Variants in FBN3 observed in about 807,000 individuals in gnomAD.
FBN3 encodes fibrillin 3, also known as fibrillin-3.
A neutral mutation model predicts 330.1 loss-of-function variants in FBN3; 234 were observed. The ratio of observed to expected loss-of-function variants is 0.71; its 90% confidence interval spans 0.64 to 0.79. FBN3 has a LOEUF of 0.79. Ranked by LOEUF, FBN3 falls within the 30% of genes least tolerant of loss-of-function variation. The probability of loss-of-function intolerance (pLI) is 0.00; values close to 1 mark genes in which losing one functional copy is unlikely to be tolerated. For missense variants in FBN3, 3,606 were observed against 3,886.9 expected (o/e 0.93, Z 1.92); for synonymous variants, 1,458 against 1,517.3 (o/e 0.96, Z 0.91).
At position 8,106,094 on chromosome 19, in the gene FBN3, G is replaced by T. The variant is rs1408286567; in HGVS notation, c.4813+14C>A. ...GGAAGAGCCTGACCCACCCCAAAGA[G>T]AATCCATGCTCACCCTCACAGATGC... is the stretch of plus-strand genomic sequence containing the variant. On this transcript the variant is annotated intron_variant, in intron 38 of 63. Coordinates refer to ENST00000600128, the MANE Select transcript of FBN3 (RefSeq NM_032447.5). The T allele has an allele frequency of 6.2e-7, 1 of 1,613,966 alleles. No individual in the cohort carries two copies. Among genetic ancestry groups the T allele is most frequent in the Admixed American group, 1.7e-5 (1 of 60,012 alleles).
chr19:8,130,643 A>G (rs2083119196), intron 16 of FBN3, among the ~76,000 whole-genome samples: 1 of 79,172 alleles, frequency 1.3e-5, no homozygotes, highest in Non-Finnish European at 2.4e-5. Context: ...AAAGAAAGAA[A>G]GGAAAGGAAA....
chr19:8,117,688 CACT>C lies in FBN3; in HGVS notation c.3338-102_3338-100del, dbSNP rs977767069. 6 of 1,366,252 alleles carry C rather than the reference CACT, an allele frequency of 4.4e-6. No individual in the cohort carries two copies. The African/African-American group carries it at 7.3e-5, about 17-fold the overall frequency. 84.6% of individuals were successfully genotyped at this position (1,366,252 alleles called of 1,614,324 possible). On this transcript the variant is annotated intron_variant, in intron 26 of 63. Transcript: ENST00000600128. ...GCACACATGCATGCTAAGGAGCTCACACTGCCAGCATTGGCACAGCCCCGCATG... is the reference window on the plus strand; with the variant it reads ...GCACACATGCATGCTAAGGAGCTCACGCCAGCATTGGCACAGCCCCGCATG...
intron 30 of FBN3, among the ~76,000 whole-genome samples, chr19:8,113,236 G>A (rs193024223): frequency 1.3e-5 from 2 of 152,114 alleles, no homozygotes; most frequent in Admixed American, 1.3e-4. Flanking sequence ...GACGAGGTTG[G>A]GCAACATAGT....
At chr19:8,079,779 G>A (rs1489631587) in intron 59 of FBN3, among the ~76,000 whole-genome samples, 2 of 151,964 alleles carry the variant, frequency 1.3e-5, no homozygotes, top group East Asian at 1.9e-4. Context: ...TAGTAGAAAC[G>A]GGGTTTTGTC....
Position 8,125,898 on chromosome 19 carries a change from A to G in FBN3, c.2725T>C (p.Cys909Arg). The G allele has an allele frequency of 6.2e-7, 1 of 1,611,618 alleles. No homozygotes were observed. The highest frequency in any genetic ancestry group is 8.5e-7 in the Non-Finnish European group (1 of 1,179,388). The change falls in exon 22 of 64, where the codon TGC becomes CGC. Residue 909 changes from cysteine (C) to arginine (R), a missense_variant. Cys to Arg is a radical substitution (Grantham distance 180). Transcript: ENST00000600128. ...GLMLDASGRL[C>R]VDVRLEPCFL... ...GGACCTCGCCTGGACTCACCCACGCACAGCCGGCCTGAGGCGTCCAGCATC... is the reference window on the plus strand; with the variant it reads ...GGACCTCGCCTGGACTCACCCACGCGCAGCCGGCCTGAGGCGTCCAGCATC...
chr19:8,137,388 AGCCTAGATCCCTCCAACCTGGG>A (rs2083313938), intron 10 of FBN3, among the ~76,000 whole-genome samples: 1 of 134,092 alleles, frequency 7.5e-6, no homozygotes, highest in Non-Finnish European at 1.6e-5. Context: ...TCCAACCTGG[AGCCTAGATCCCTCCAACCTGGG>A]GCCTAGATCC....
Position 8,066,311 on chromosome 19 carries a change from G to T in FBN3, c.8089-51C>A, listed in dbSNP as rs1354648475. On this transcript the variant is annotated intron_variant, in intron 63 of 63. Coordinates refer to ENST00000600128, the MANE Select transcript of FBN3 (RefSeq NM_032447.5). ...TCAGAGCCCAGGAGAATCGGGATGT[G>T]GTGTGGGTAGGGGGTCCTCGGATTG... 3.0e-6 allele frequency: 4 copies of T among 1,340,048 alleles called. No individual in the cohort carries two copies. The African/African-American group carries it at 4.4e-5, about 15-fold the overall frequency. The allele number at this position is 1,340,048 out of a possible 1,614,324, so 83.0% of individuals were successfully genotyped here.
At chr19:8,137,960 T>C (rs1228466398) in intron 10 of FBN3, among the ~76,000 whole-genome samples, 181 bp downstream of exon 10, 1 of 152,144 alleles carries the variant, frequency 6.6e-6, no homozygotes, top group East Asian at 1.9e-4. Flanking sequence ...GATTCTCCAG[T>C]TACCTCCATC....
chr19:8,085,270 C>CAG, intron 56 of FBN3, 93 bp downstream of exon 56: 1 of 1,004,238 alleles, frequency 1.0e-6, no homozygotes. Flanking sequence ...GTGGCTCACA[C>CAG]ATTCCAGCAC....
In FBN3 at chr19:8,091,481, A is replaced by T; in HGVS notation, c.6015T>A (p.Asn2005Lys). The T allele has an allele frequency of 1.2e-6, 2 of 1,613,778 alleles. No homozygotes were observed. Among genetic ancestry groups the T allele is most frequent in the Non-Finnish European group, 1.7e-6 (2 of 1,179,862 alleles). ...TGGACTTACCAAAGCAACGGTGCCCATTGTCAGAGAGGACAAAGCCAGGTG... is the reference window on the plus strand; with the variant it reads ...TGGACTTACCAAAGCAACGGTGCCCTTTGTCAGAGAGGACAAAGCCAGGTG... ...LCPPGFVLSD[N>K]GHRCFDTRQS... The change falls in exon 48 of 64, where the codon AAT becomes AAA. Residue 2005 changes from asparagine to lysine, a missense_variant. Coordinates refer to ENST00000600128, the MANE Select transcript of FBN3 (RefSeq NM_032447.5).
chr19:8,115,160 A>G (rs779230017), intron 30 of FBN3, among the ~76,000 whole-genome samples: 1 of 152,136 alleles, frequency 6.6e-6, no homozygotes, highest in Non-Finnish European at 1.5e-5. Context: ...CGGCCCAGAG[A>G]ATCAATTTCT....
At chr19:8,066,814 G>A (rs868643218) in intron 63 of FBN3, among the ~76,000 whole-genome samples, 42 of 152,062 alleles carry the variant, frequency 2.8e-4, no homozygotes, top group Middle Eastern at 3.4e-3. Context: ...GGGAGGTGGA[G>A]GTTGCAGTGA....
In FBN3 at chr19:8,121,155, C is replaced by G; in HGVS notation, c.3211+103G>C. 2.6e-6 allele frequency: 3 copies of G among 1,150,454 alleles called. No individual in the cohort carries two copies. The highest frequency in any genetic ancestry group is 3.7e-6 in the Non-Finnish European group (3 of 809,204). The allele number at this position is 1,150,454 out of a possible 1,614,324, so 71.3% of individuals were successfully genotyped here. A position where few individuals can be genotyped will look rare whatever the true frequency, so the allele number is the denominator to read the frequency against. ...TTACAGCTCCTCCCTCCTCCTGCCCCCTCCATCCACGTCCACACAGCAACA... is the reference window on the plus strand; with the variant it reads ...TTACAGCTCCTCCCTCCTCCTGCCCGCTCCATCCACGTCCACACAGCAACA... On this transcript the variant is annotated intron_variant, in intron 25 of 63. Transcript: ENST00000600128. This position sits in a 1 kb window ranked among gnomAD's most constrained non-coding sequence, Gnocchi z 4.5.
At position 8,066,032 on chromosome 19, in the gene FBN3, A is replaced by T; in HGVS notation, c.8317T>A (p.Tyr2773Asn). 6.2e-7 allele frequency: 1 copy of T among 1,613,090 alleles called. No homozygotes were observed. The highest frequency in any genetic ancestry group is 8.5e-7 in the Non-Finnish European group (1 of 1,179,972). ...LGRRRPGPGTYRLEVVSHMAG... is the reference protein window; with the variant it reads ...LGRRRPGPGTNRLEVVSHMAG... ...ATGTGGCTCACCACCTCCAGCCGGT[A>T]GGTTCCAGGCCCCGGCCGCCTCCGC... Residue 2773 changes from tyrosine to asparagine, a missense_variant, in exon 64 of 64, where the codon TAC becomes AAC. Tyr to Asn is a moderately radical substitution (Grantham distance 143). Transcript: ENST00000600128.
At chr19:8,104,483 A>T in intron 38 of FBN3, among the ~76,000 whole-genome samples, 1 of 152,292 alleles carries the variant, frequency 6.6e-6, no homozygotes, top group South Asian at 2.1e-4. Flanking sequence ...AAAAAAAAAA[A>T]AAAAATTCCT....
In FBN3 at chr19:8,090,246, G is replaced by T. The variant is rs183278638; in HGVS notation, c.6037C>A (p.Arg2013=). 1.1e-5 allele frequency: 17 copies of T among 1,613,888 alleles called. No individual in the cohort carries two copies. Among genetic ancestry groups the T allele is most frequent in the Non-Finnish European group, 1.4e-5 (16 of 1,179,974 alleles). Residue 2013 remains arginine (R), a synonymous_variant, in exon 49 of 64, where the codon CGG becomes AGG. Transcript: ENST00000600128. ...SDNGHRCFDT[R]QSFCFTRFEA... ...AAACGGGTGAAGCAGAAACTCTGCCGTGTGTCTGTGGGGTGGGGGCTCCAT... is the reference window on the plus strand; with the variant it reads ...AAACGGGTGAAGCAGAAACTCTGCCTTGTGTCTGTGGGGTGGGGGCTCCAT...
chr19:8,131,379 G>A lies in FBN3; in HGVS notation c.1991-91C>T. The A allele has an allele frequency of 6.6e-7, 1 of 1,519,346 alleles. No individual in the cohort carries two copies. The allele number at this position is 1,519,346 out of a possible 1,614,324, so 94.1% of individuals were successfully genotyped here. A position where few individuals can be genotyped will look rare whatever the true frequency, so the allele number is the denominator to read the frequency against. ...GCAAGGATGAGGCCCTCTGGTCTTG[G>A]GCAAGAGTTTGGGACTAAGACACAA... On this transcript the variant is annotated intron_variant, in intron 15 of 63. Transcript: ENST00000600128. The surrounding 1 kb of genome is among the most constrained non-coding windows in gnomAD (Gnocchi z 4.5).
rs577879086 is a variant in FBN3 at position 8,091,001 on chromosome 19, C to T, written c.6031+464G>A. ...AGTCCTCACCAGCAGGCTGGGGTCC[C>T]AGCCTCCCAGAACAGCAAATATTCG... On this transcript the variant is annotated intron_variant, in intron 48 of 63. Transcript: ENST00000600128. Among the ~76,000 whole-genome samples the T allele has an allele frequency of 1.6e-3, 245 of 152,276 alleles. 1 individual carries two copies. Among genetic ancestry groups the T allele is most frequent in the African/African-American group, 5.7e-3 (235 of 41,554 alleles).
At chr19:8,078,909 G>A (rs1184140533) in intron 59 of FBN3, among the ~76,000 whole-genome samples, 2 of 151,334 alleles carry the variant, frequency 1.3e-5, no homozygotes, top group East Asian at 3.9e-4. Context: ...AGCCTCCTAA[G>A]TAGCTAAGAC....
Sources: gnomAD v4.1 joint callset for allele counts (sites outside exome capture counted in the v4.1 genomes callset) on GRCh38, gnomAD v4.1.1 for gene constraint, Gnocchi (gnomAD v3.1) non-coding constraint, MANE v1.5 for transcripts, NCBI Gene and HGNC (gene_info 2026-07-23, HGNC 2026-07-21) for gene names.